ENOX1: variants seen among roughly 807,000 people sequenced by gnomAD.
ENOX1 encodes the protein ecto-NOX disulfide-thiol exchanger 1.
ENOX1 carries 42 observed loss-of-function variants against 82.5 expected under a neutral mutation model. The ratio of observed to expected loss-of-function variants is 0.51; its 90% confidence interval spans 0.40 to 0.66. The LOEUF is 0.66. Among genes scored for constraint, ENOX1 ranks in the 30% least tolerant of loss-of-function variants. The pLI is 0.00. For synonymous variants in ENOX1, 271 were observed against 282.2 expected, an observed-to-expected ratio of 0.96 and a Z score of 0.40; for missense variants, 608 against 811.6, an observed-to-expected ratio of 0.75 and a Z score of 3.05.
At chr13:43,364,681 A>G (rs147115031) in intron 5 of ENOX1, among the ~76,000 whole-genome samples, 11 of 121,344 alleles carry the variant, frequency 9.1e-5, no homozygotes, top group African/African-American at 3.4e-4. Context: ...TAATTAAAGC[A>G]CTCATTCATT....
chr13:43,743,179 C>T (rs1594652670), intron 1 of ENOX1, among the ~76,000 whole-genome samples: 1 of 151,922 alleles, frequency 6.6e-6, no homozygotes, highest in Admixed American at 6.6e-5. Flanking sequence ...TTAGAGAAGC[C>T]CTGAAGCCTC....
At chr13:43,491,429 C>A (rs1593465739) in intron 2 of ENOX1, among the ~76,000 whole-genome samples, 1 of 152,188 alleles carries the variant, frequency 6.6e-6, no homozygotes, top group East Asian at 1.9e-4. Context: ...TGAAAAGAGC[C>A]CAAAATGGGT....
chr13:43,626,842 C>A (rs2082986308), intron 2 of ENOX1, among the ~76,000 whole-genome samples: 1 of 151,878 alleles, frequency 6.6e-6, no homozygotes, highest in Non-Finnish European at 1.5e-5. Context: ...TATATCCTTA[C>A]TGATTTTCTG....
chr13:43,334,996 G>C (rs1039688318), intron 9 of ENOX1, among the ~76,000 whole-genome samples: 2 of 152,208 alleles, frequency 1.3e-5, no homozygotes, highest in Non-Finnish European at 2.9e-5. Flanking sequence ...CTAACTAGCT[G>C]TGTGACCTGA....
chr13:43,286,990 A>G (rs991458365), intron 12 of ENOX1, among the ~76,000 whole-genome samples: 1 of 152,088 alleles, frequency 6.6e-6, no homozygotes, highest in Admixed American at 6.6e-5. Context: ...CTTTCAGGGT[A>G]CACTCTGGAA....
chr13:43,772,728 G>A lies in ENOX1; in HGVS notation c.-285+13924C>T, dbSNP rs1951705944. On this transcript the variant is annotated intron_variant, in intron 1 of 16. Transcript: ENST00000690772. Reference sequence around the variant, plus strand: ...TGTGCTACCGCACCCCAGCCTGGGCGACAGAGCAAGACTCTGTCTTTAAAA... The same window carrying A: ...TGTGCTACCGCACCCCAGCCTGGGCAACAGAGCAAGACTCTGTCTTTAAAA... 2.2e-5 allele frequency among the ~76,000 whole-genome samples: 3 copies of A among 136,968 alleles called. No homozygotes were observed. The South Asian group carries it at 6.6e-4, about 30-fold the overall frequency. 89.9% of individuals were successfully genotyped at this position (136,968 alleles called of 152,430 possible).
At chr13:43,371,477 A>G (rs1432514720) in intron 5 of ENOX1, among the ~76,000 whole-genome samples, 1 of 152,234 alleles carries the variant, frequency 6.6e-6, no homozygotes, top group Non-Finnish European at 1.5e-5. Context: ...CACTATAGTC[A>G]GTATTTATAA....
In ENOX1 at chr13:43,333,114, T is replaced by A. The variant is rs545754258; in HGVS notation, c.1037-6589A>T. ...TATCTTGGAAATCTATTCATATGTA[T>A]GTTATCAATAAGGCTGCTATAAACA... On this transcript the variant is annotated intron_variant, in intron 9 of 16. Coordinates refer to ENST00000690772, the MANE Select transcript of ENOX1 (RefSeq NM_001347969.2). Among the ~76,000 whole-genome samples the A allele has an allele frequency of 4.6e-4, 70 of 152,352 alleles. 2 individuals are homozygous for A. In the South Asian group the frequency reaches 0.014, roughly 31 times the overall value.
intron 3 of ENOX1, among the ~76,000 whole-genome samples, chr13:43,422,393 G>A (rs907097113): frequency 2.0e-5 from 3 of 152,176 alleles, no homozygotes; most frequent in African/African-American, 7.2e-5. Flanking sequence ...ATTGTTGGAA[G>A]AAAGGAAAAG....
intron 2 of ENOX1, among the ~76,000 whole-genome samples, chr13:43,595,128 G>C (rs539975715): frequency 6.7e-6 from 1 of 149,188 alleles, no homozygotes; most frequent in South Asian, 2.2e-4. Context: ...CTTAGGGAGG[G>C]AAAGCGGCAT....
intron 1 of ENOX1, among the ~76,000 whole-genome samples, chr13:43,707,549 G>A (rs945237546): frequency 1.2e-4 from 18 of 151,848 alleles, no homozygotes; most frequent in African/African-American, 2.2e-4. Context: ...TCTGGCCAAC[G>A]TGGTGAAACC....
intron 4 of ENOX1, 131 bp from the exon 5 acceptor site, chr13:43,412,184 T>C: frequency 7.7e-6 from 8 of 1,032,518 alleles, no homozygotes; most frequent in Non-Finnish European, 1.1e-5. Flanking sequence ...TAAAGAACTA[T>C]AATCTGCAGC....
At chr13:43,237,761 A>G (rs2042620017) in intron 14 of ENOX1, among the ~76,000 whole-genome samples, 1 of 152,232 alleles carries the variant, frequency 6.6e-6, no homozygotes, top group Non-Finnish European at 1.5e-5. Context: ...AAGTATTGGG[A>G]GCATGCCGAG....
chr13:43,329,858 C>A (rs925501275), intron 9 of ENOX1, among the ~76,000 whole-genome samples: 1 of 152,164 alleles, frequency 6.6e-6, no homozygotes, highest in Non-Finnish European at 1.5e-5. Flanking sequence ...TGTCCCTGAA[C>A]CAGCCATTTG....
At chr13:43,468,129 G>C (rs78996000) in intron 3 of ENOX1, among the ~76,000 whole-genome samples, 2,234 of 152,058 alleles carry the variant, frequency 0.015, 49 homozygotes, top group African/African-American at 0.05. Flanking sequence ...TTTCAAGATT[G>C]TTTTGGCTAT....
At position 43,322,417 on chromosome 13, in the gene ENOX1, T is replaced by C. The variant is rs2047862772; in HGVS notation, c.1228A>G (p.Ser410Gly). ...TCGACTCTCATTTTCTTTGTAGGGC[T>C]GTCACAGTTCTCATCATCAGACATT... Reference protein sequence around the residue: ...MEMSDDENCDSPTKKMRVDES... With the variant: ...MEMSDDENCDGPTKKMRVDES... Residue 410 changes from serine (S) to glycine (G), a missense_variant, in exon 11 of 17, where the codon AGC (serine) becomes GGC (glycine). Physicochemically the swap from Ser to Gly is moderately conservative, Grantham distance 56. Transcript: ENST00000690772. 6.2e-7 allele frequency: 1 copy of C among 1,614,006 alleles called. No homozygotes were observed.
intron 2 of ENOX1, among the ~76,000 whole-genome samples, chr13:43,647,563 G>C (rs898697874): frequency 1.3e-5 from 2 of 152,140 alleles, no homozygotes; most frequent in Non-Finnish European, 2.9e-5. Context: ...CTTGTGGAAT[G>C]AATAAATGAC....
chr13:43,339,268 G>A (rs17632793), intron 9 of ENOX1, among the ~76,000 whole-genome samples: 6,680 of 152,248 alleles, frequency 0.044, 198 homozygotes, highest in Non-Finnish European at 0.067. Context: ...CTTCAGGAAC[G>A]GTGGCTGGAG....
At chr13:43,234,600 A>G (rs1356313510) in intron 15 of ENOX1, among the ~76,000 whole-genome samples, 7 of 152,232 alleles carry the variant, frequency 4.6e-5, no homozygotes, top group African/African-American at 1.7e-4. Context: ...TGGAAAATTT[A>G]GAATTGGTTG....
Sources: gnomAD v4.1 joint callset for allele counts (sites outside exome capture counted in the v4.1 genomes callset) on GRCh38, gnomAD v4.1.1 for gene constraint, MANE v1.5 for transcripts, NCBI Gene and HGNC (gene_info 2026-07-23, HGNC 2026-07-21) for gene names.